The following CPA6 variants were observed in gnomAD, a reference collection of about 807,000 sequenced individuals.
CPA6 encodes the protein carboxypeptidase B.
Under a neutral mutation model 63.3 loss-of-function variants are expected in CPA6, and 58 were observed. The observed-to-expected ratio is 0.92, with a 90% CI of 0.74 to 1.14. CPA6 has a LOEUF of 1.14. CPA6 is among the 50% of genes most tolerant of loss of function. The pLI, the probability that CPA6 is intolerant of heterozygous loss-of-function variation, is 0.00. For synonymous variants in CPA6, 185 were observed against 179.0 expected, an observed-to-expected ratio of 1.03 and a Z score of -0.27; for missense variants, 565 against 526.6, an observed-to-expected ratio of 1.07 and a Z score of -0.71.
intron 1 of CPA6, among the ~76,000 whole-genome samples, chr8:67,681,847 T>A (rs62511392): frequency 0.032 from 4,865 of 151,946 alleles, 111 homozygotes; most frequent in Non-Finnish European, 0.047. Context: ...TCCTTCAACT[T>A]TGTTTTTTTT....
intron 2 of CPA6, among the ~76,000 whole-genome samples, chr8:67,531,855 AATG>A (rs1812483543): frequency 6.6e-6 from 1 of 152,220 alleles, no homozygotes; most frequent in South Asian, 2.1e-4. Context: ...ATTGATGTCA[AATG>A]ATCTCTGATT....
chr8:67,645,687 C>T (rs745413367), intron 1 of CPA6, among the ~76,000 whole-genome samples: 1 of 152,128 alleles, frequency 6.6e-6, no homozygotes, highest in Non-Finnish European at 1.5e-5. Context: ...TTTTTTAAAG[C>T]ACGTAATACC....
intron 2 of CPA6, among the ~76,000 whole-genome samples, chr8:67,540,323 T>C (rs1274656101): frequency 1.3e-5 from 2 of 152,212 alleles, no homozygotes; most frequent in African/African-American, 4.8e-5. Context: ...TCTCTGGGTA[T>C]CACCAGTGGA....
Position 67,625,808 on chromosome 8 carries a change from G to A in CPA6, c.117-1557C>T, listed in dbSNP as rs548747141. On this transcript the variant is annotated intron_variant, in intron 1 of 10. Transcript: ENST00000297770. Reference sequence around the variant, plus strand: ...ACAACTTGTCTCTCCAACCCCAAAGGTGCACCAGGAATAAGAATGGAATTT... The same window carrying A: ...ACAACTTGTCTCTCCAACCCCAAAGATGCACCAGGAATAAGAATGGAATTT... Among the ~76,000 whole-genome samples, 25 of 152,194 alleles carry A rather than the reference G, an allele frequency of 1.6e-4. No individual in the cohort carries two copies. In the South Asian group the frequency reaches 5.0e-3, roughly 30 times the overall value.
chr8:67,457,893 G>A (rs1333028086), intron 8 of CPA6, among the ~76,000 whole-genome samples: 1 of 151,972 alleles, frequency 6.6e-6, no homozygotes, highest in African/African-American at 2.4e-5. Context: ...CTTTGTTCCC[G>A]TTCTTCCTTC....
chr8:67,484,915 G>T, intron 6 of CPA6, 126 bp from the exon 7 acceptor site: 1 of 535,076 alleles, frequency 1.9e-6, no homozygotes, highest in Non-Finnish European at 3.3e-6. Context: ...AAACTAACAT[G>T]AAGTTTAGTC....
chr8:67,689,267 T>A (rs1031168464), intron 1 of CPA6, among the ~76,000 whole-genome samples: 2 of 49,620 alleles, frequency 4.0e-5, no homozygotes, highest in Non-Finnish European at 6.9e-5. Flanking sequence ...GATATAAACT[T>A]CTTCTTCAAA....
intron 2 of CPA6, among the ~76,000 whole-genome samples, chr8:67,592,468 G>A (rs1319432424): frequency 6.6e-6 from 1 of 151,844 alleles, no homozygotes; most frequent in African/African-American, 2.4e-5. Context: ...AATGGTACCA[G>A]TTCCTCCTTG....
chr8:67,591,815 T>A (rs1814133817), intron 2 of CPA6, among the ~76,000 whole-genome samples: 1 of 152,166 alleles, frequency 6.6e-6, no homozygotes, highest in Admixed American at 6.6e-5. Context: ...CTAGTTATAC[T>A]ATCATGTCAT....
At chr8:67,449,972 C>A (rs146486021) in intron 8 of CPA6, among the ~76,000 whole-genome samples, 2 of 152,036 alleles carry the variant, frequency 1.3e-5, no homozygotes, top group Admixed American at 6.6e-5. Context: ...CACACCACCA[C>A]GCCCGGATAA....
At chr8:67,656,093 G>A (rs1815977949) in intron 1 of CPA6, among the ~76,000 whole-genome samples, 4 of 152,106 alleles carry the variant, frequency 2.6e-5, no homozygotes, top group South Asian at 4.2e-4. Flanking sequence ...TGGAGAAGTT[G>A]GGGTTTTTCT....
intron 1 of CPA6, among the ~76,000 whole-genome samples, chr8:67,634,175 A>AT (rs1437768895): frequency 8.2e-5 from 10 of 122,446 alleles, no homozygotes; most frequent in South Asian, 2.7e-4. Context: ...AAGTCACTGG[A>AT]TTTAATTATT....
intron 2 of CPA6, among the ~76,000 whole-genome samples, chr8:67,556,548 T>C (rs781456931): frequency 1.3e-5 from 2 of 152,186 alleles, no homozygotes; most frequent in African/African-American, 4.8e-5. Context: ...GCCTTCCAAA[T>C]GTCCAGCAAT....
chr8:67,681,893 C>A (rs1195159899), intron 1 of CPA6, among the ~76,000 whole-genome samples: 1 of 151,354 alleles, frequency 6.6e-6, no homozygotes, highest in Non-Finnish European at 1.5e-5. Context: ...CTTTCATTTC[C>A]ATATGAATTT....
At chr8:67,472,412 CTTATTTTATT>C (rs76537277) in intron 8 of CPA6, among the ~76,000 whole-genome samples, 9 of 57,732 alleles carry the variant, frequency 1.6e-4, no homozygotes, top group East Asian at 4.8e-4. Context: ...TTTATCTTAT[CTTATTTTATT>C]TTATTTTATT....
intron 1 of CPA6, among the ~76,000 whole-genome samples, chr8:67,678,849 A>G (rs145028616): frequency 1.3e-5 from 2 of 152,368 alleles, no homozygotes; most frequent in African/African-American, 4.8e-5. Context: ...GATATAACCC[A>G]ATGTCTACCA....
chr8:67,649,625 T>C (rs1032524903), intron 1 of CPA6, among the ~76,000 whole-genome samples: 1 of 152,220 alleles, frequency 6.6e-6, no homozygotes, highest in Non-Finnish European at 1.5e-5. Flanking sequence ...CATTGGGAAC[T>C]AAGGTTGAAT....
At chr8:67,700,107 C>T (rs1158192101) in intron 1 of CPA6, among the ~76,000 whole-genome samples, 1 of 152,148 alleles carries the variant, frequency 6.6e-6, no homozygotes, top group Non-Finnish European at 1.5e-5. Context: ...TTTAAACATA[C>T]TTCTCTAAGC....
At chr8:67,511,057 T>TA (rs1812033633) in intron 4 of CPA6, among the ~76,000 whole-genome samples, 1 of 147,132 alleles carries the variant, frequency 6.8e-6, no homozygotes, top group African/African-American at 2.5e-5. Flanking sequence ...GTGGATGAGG[T>TA]GGCTGTCAGT....
Sources: gnomAD v4.1 joint callset for allele counts (sites outside exome capture counted in the v4.1 genomes callset) on GRCh38, gnomAD v4.1.1 for gene constraint, MANE v1.5 for transcripts, NCBI Gene and HGNC (gene_info 2026-07-23, HGNC 2026-07-21) for gene names.